GSR: variants seen among roughly 807,000 people sequenced by gnomAD.
The protein encoded by GSR is glutathione-disulfide reductase.
Under a neutral mutation model 56.5 loss-of-function variants are expected in GSR, and 48 were observed. The ratio of observed to expected loss-of-function variants is 0.85; its 90% confidence interval spans 0.67 to 1.08. The LOEUF (loss-of-function observed/expected upper bound fraction) is 1.08, where lower values mean the gene tolerates loss of function less well. GSR is among the 50% of genes least tolerant of loss of function. The pLI is 0.00. For missense variants in GSR, 694 were observed against 703.3 expected (o/e 0.99, Z 0.15); for synonymous variants, 264 against 270.8 (o/e 0.97, Z 0.25).
intron 5 of GSR, among the ~76,000 whole-genome samples, chr8:30,700,750 A>AAAAAAAAAAC (rs1803709491): frequency 7.1e-6 from 1 of 139,888 alleles, no homozygotes; most frequent in Non-Finnish European, 1.5e-5. Flanking sequence ...AAAAAAAAAA[A>AAAAAAAAAAC]TCGACGTGGC....
chr8:30,703,296 C>T, intron 4 of GSR, 56 bp from the exon 5 acceptor site: 4 of 1,452,770 alleles, frequency 2.8e-6, no homozygotes, highest in Non-Finnish European at 3.9e-6. Context: ...AAGACACCTA[C>T]TGCAACTTAT....
intron 1 of GSR, among the ~76,000 whole-genome samples, chr8:30,723,507 C>T (rs537100790): frequency 9.0e-4 from 137 of 152,016 alleles, no homozygotes; most frequent in Admixed American, 1.6e-3. Flanking sequence ...AATGAAACAA[C>T]ATGCCAGACG....
At chr8:30,684,980 TATTTATTG>T (rs1429493713) in intron 9 of GSR, among the ~76,000 whole-genome samples, 1 of 104,942 alleles carries the variant, frequency 9.5e-6, no homozygotes, top group Non-Finnish European at 2.0e-5. Context: ...TTTATTTATT[TATTTATTG>T]AGATGGAGTC....
chr8:30,726,868 CA>C (rs1804741373), intron 1 of GSR: 3 of 152,266 alleles, frequency 2.0e-5, no homozygotes, highest in Admixed American at 2.0e-4. Flanking sequence ...AAAACCAAGA[CA>C]AAACAAAAGC....
At position 30,727,757 on chromosome 8, in the gene GSR, G is replaced by A; in HGVS notation, c.79C>T (p.Leu27=). 7.2e-7 allele frequency: 1 copy of A among 1,380,522 alleles called. No individual in the cohort carries two copies. Among genetic ancestry groups the A allele is most frequent in the Non-Finnish European group, 9.4e-7 (1 of 1,067,334 alleles). 85.5% of individuals were successfully genotyped at this position (1,380,522 alleles called of 1,614,324 possible). Residue 27 remains leucine, a synonymous_variant, in exon 1 of 13, where the codon CTG becomes TTG. Transcript: ENST00000221130. ...RRAARAFRGF[L]LLLPEPAALT... ...GCCGCGGGCTCGGGCAGAAGCAGCA[G>A]GAAGCCTCGGAAGGCGCGCGCCGCC...
Position 30,682,025 on chromosome 8 carries a change from A to G in GSR, c.1190T>C (p.Leu397Pro). 1 of 1,613,634 alleles carries G rather than the reference A, an allele frequency of 6.2e-7. No homozygotes were observed. The highest frequency in any genetic ancestry group is 1.1e-5 in the South Asian group (1 of 91,070). ...IAAGRKLAHRLFEYKEDSKLD... is the reference protein window; with the variant it reads ...IAAGRKLAHRPFEYKEDSKLD... ...TTTGGAATCTTCCTTATATTCAAAA[A>G]GTCGATGGGCAAGTTTTCGGCCAGC... The change falls in exon 11 of 13, where the codon CTT becomes CCT. Residue 397 changes from leucine (L) to proline (P), a missense_variant. Transcript: ENST00000221130.
Position 30,689,286 on chromosome 8 carries a change from C to T in GSR, c.916G>A (p.Glu306Lys). The T allele has an allele frequency of 6.2e-7, 1 of 1,614,090 alleles. No homozygotes were observed. Among genetic ancestry groups the T allele is most frequent in the Non-Finnish European group, 8.5e-7 (1 of 1,179,960 alleles). The change falls in exon 9 of 13, where the codon GAA becomes AAA. Residue 306 changes from glutamate (E) to lysine (K), a missense_variant. Coordinates refer to ENST00000221130, the MANE Select transcript of GSR (RefSeq NM_000637.5). ...KEVKKTLSGL[E>K]VSMVTAVPGR... ...GGAACTGCAGTAACCATGCTGACTT[C>T]CAAGCCCGACAAAGTCTTTTTAACC...
chr8:30,699,379 C>A (rs1459670630), intron 6 of GSR, among the ~76,000 whole-genome samples: 2 of 151,658 alleles, frequency 1.3e-5, no homozygotes, highest in South Asian at 2.1e-4. Flanking sequence ...GAGGCTGAGG[C>A]GGGCGGATCA....
chr8:30,711,524 T>A (rs1164209393), intron 2 of GSR, among the ~76,000 whole-genome samples: 1 of 152,168 alleles, frequency 6.6e-6, no homozygotes, highest in Non-Finnish European at 1.5e-5. Flanking sequence ...GAAAAAACTA[T>A]CCTGTGGTGT....
chr8:30,717,911 C>G (rs983089593), intron 1 of GSR, among the ~76,000 whole-genome samples: 3 of 151,704 alleles, frequency 2.0e-5, no homozygotes, highest in Non-Finnish European at 4.4e-5. Flanking sequence ...ACCAGCCTGG[C>G]CAACATGGTG....
At chr8:30,715,376 C>T (rs1276373752) in intron 1 of GSR, among the ~76,000 whole-genome samples, 1 of 152,030 alleles carries the variant, frequency 6.6e-6, no homozygotes, top group Non-Finnish European at 1.5e-5. Context: ...TGCTACTTCT[C>T]AACCCCCAAG....
At chr8:30,719,967 T>C (rs1207800467) in intron 1 of GSR, among the ~76,000 whole-genome samples, 1 of 151,980 alleles carries the variant, frequency 6.6e-6, no homozygotes, top group African/African-American at 2.4e-5. Context: ...TCCCAAAACT[T>C]TGGGAGGTGA....
At chr8:30,707,388 A>G (rs1331585957) in intron 4 of GSR, among the ~76,000 whole-genome samples, 1 of 152,078 alleles carries the variant, frequency 6.6e-6, no homozygotes, top group Non-Finnish European at 1.5e-5. Context: ...CAATAATAGA[A>G]AAAGTAAGAG....
At chr8:30,706,210 C>T (rs375706457) in intron 4 of GSR, among the ~76,000 whole-genome samples, 4 of 151,226 alleles carry the variant, frequency 2.6e-5, no homozygotes, top group African/African-American at 7.3e-5. Context: ...CTAAATATAA[C>T]CTAAGAGGGC....
intron 1 of GSR, among the ~76,000 whole-genome samples, chr8:30,722,958 G>A (rs1298663884): frequency 6.6e-6 from 1 of 152,140 alleles, no homozygotes; most frequent in Non-Finnish European, 1.5e-5. Context: ...AACTGCTGCT[G>A]TGCAGCATAG....
chr8:30,699,486 CTCTT>C (rs747783334), intron 6 of GSR, among the ~76,000 whole-genome samples: 24 of 151,826 alleles, frequency 1.6e-4, no homozygotes, highest in African/African-American at 3.4e-4. Context: ...CACTCTCTCT[CTCTT>C]TCTTTCTTTC....
intron 1 of GSR, among the ~76,000 whole-genome samples, chr8:30,720,689 G>A (rs1736522122): frequency 6.7e-6 from 1 of 150,028 alleles, no homozygotes; most frequent in African/African-American, 2.4e-5. Context: ...AAAGCAGTCT[G>A]TGTAAAGCAG....
In GSR at chr8:30,693,037, A is replaced by T. The variant is rs922732915; in HGVS notation, c.814T>A (p.Ser272Thr). The change falls in exon 8 of 13, where the codon TCA becomes ACA. Residue 272 changes from serine to threonine, a missense_variant. Ser to Thr is a moderately conservative substitution (Grantham distance 58). Coordinates refer to ENST00000221130, the MANE Select transcript of GSR (RefSeq NM_000637.5). ...TCCGTGCAGTTGGTGCTGATCATTG[A>T]ATCAAAACTTCTAAGTACCTGCATA... ...RHDKVLRSFD[S>T]MISTNCTEEL... 1.2e-6 allele frequency: 2 copies of T among 1,610,090 alleles called. No individual in the cohort carries two copies. Among genetic ancestry groups the T allele is most frequent in the African/African-American group, 2.7e-5 (2 of 74,846 alleles).
rs1313227679 is a variant in GSR at position 30,717,170 on chromosome 8, G to T, written c.307-5082C>A. On this transcript the variant is annotated intron_variant, in intron 1 of 12. Coordinates refer to ENST00000221130, the MANE Select transcript of GSR (RefSeq NM_000637.5). The stretch of plus-strand genomic sequence containing the variant: ...GAGAATCGCTTGAACCCAGGAGGTG[G>T]AGGTTGCCGTGAGCGGAGATCGTGC... Among the ~76,000 whole-genome samples the T allele has an allele frequency of 6.6e-5, 10 of 152,084 alleles. No individual in the cohort carries two copies. The East Asian group carries it at 1.9e-3, about 29-fold the overall frequency.
Sources: gnomAD v4.1 joint callset for allele counts (sites outside exome capture counted in the v4.1 genomes callset) on GRCh38, gnomAD v4.1.1 for gene constraint, MANE v1.5 for transcripts, NCBI Gene and HGNC (gene_info 2026-07-23, HGNC 2026-07-21) for gene names.